The following CDK14 variants were observed in gnomAD, a reference collection of about 807,000 sequenced individuals.
The protein encoded by CDK14 is cyclin-dependent kinase 14.
Under a neutral mutation model 60.7 loss-of-function variants are expected in CDK14, and 34 were observed. That is an observed-to-expected ratio of 0.56 (90% CI 0.43 to 0.75). The LOEUF is 0.75. CDK14 is among the 30% of genes least tolerant of loss of function. The pLI is 0.00. For missense variants in CDK14, 482 were observed against 564.1 expected, an observed-to-expected ratio of 0.85 and a Z score of 1.47; for synonymous variants, 197 against 203.7, an observed-to-expected ratio of 0.97 and a Z score of 0.28.
intron 6 of CDK14, among the ~76,000 whole-genome samples, chr7:90,891,395 A>C (rs1205338216): frequency 6.6e-6 from 1 of 152,204 alleles, no homozygotes; most frequent in African/African-American, 2.4e-5. Flanking sequence ...AGTTTTCATC[A>C]ATTTCAAAAC....
intron 5 of CDK14, among the ~76,000 whole-genome samples, chr7:90,840,920 G>GAT (rs1321313264): frequency 6.6e-6 from 1 of 151,856 alleles, no homozygotes; most frequent in Non-Finnish European, 1.5e-5. Context: ...CATTGTGTCT[G>GAT]TTTAAAGTGC....
intron 11 of CDK14, among the ~76,000 whole-genome samples, chr7:91,055,125 A>G (rs375739441): frequency 5.8e-4 from 89 of 152,324 alleles, no homozygotes; most frequent in African/African-American, 2.1e-3. Context: ...TTCTCCTACC[A>G]GTTAGCAGTG....
Position 91,059,402 on chromosome 7 carries a change from C to G in CDK14, c.1105+13442C>G, listed in dbSNP as rs1797704142. On this transcript the variant is annotated intron_variant, in intron 11 of 14. Transcript: ENST00000380050. ...TGAAGGGTTTTTTGTGTCTCTATTT[C>G]CTTCAGTTCTGCTCTGATCTTAGTT... 2.6e-5 allele frequency among the ~76,000 whole-genome samples: 4 copies of G among 152,224 alleles called. No individual in the cohort carries two copies. In the South Asian group the frequency reaches 6.2e-4, roughly 24 times the overall value.
intron 11 of CDK14, among the ~76,000 whole-genome samples, chr7:91,064,321 A>G (rs889728253): frequency 8.7e-6 from 1 of 114,606 alleles, no homozygotes; most frequent in African/African-American, 3.3e-5. Flanking sequence ...GTGTCATGGT[A>G]TAGTGACTAG....
chr7:90,605,105 A>G (rs977486966), intron 2 of CDK14, among the ~76,000 whole-genome samples: 1 of 152,204 alleles, frequency 6.6e-6, no homozygotes, highest in Non-Finnish European at 1.5e-5. Context: ...TAATAGTTAC[A>G]TATTCCATGA....
chr7:90,739,222 A>C (rs544103594), intron 3 of CDK14, among the ~76,000 whole-genome samples: 1 of 152,218 alleles, frequency 6.6e-6, no homozygotes, highest in Non-Finnish European at 1.5e-5. Context: ...TTCACAGGGC[A>C]GATAATATTG....
At chr7:90,659,284 A>G (rs1385840644) in intron 2 of CDK14, among the ~76,000 whole-genome samples, 1 of 152,184 alleles carries the variant, frequency 6.6e-6, no homozygotes, top group Non-Finnish European at 1.5e-5. Context: ...TAAAGATATC[A>G]GGGGGAAAAT....
intron 14 of CDK14, among the ~76,000 whole-genome samples, chr7:91,151,655 C>T (rs553638878): frequency 3.4e-4 from 52 of 152,268 alleles, no homozygotes; most frequent in African/African-American, 1.1e-3. Flanking sequence ...TGGCGGTCCA[C>T]ATTTGGTTCT....
chr7:90,929,245 G>A (rs985491843), intron 8 of CDK14, among the ~76,000 whole-genome samples: 3 of 152,302 alleles, frequency 2.0e-5, no homozygotes, highest in South Asian at 2.1e-4. Context: ...TGAGATGAAC[G>A]TGGTACCTCA....
chr7:90,746,668 C>T (rs917798947), intron 3 of CDK14, among the ~76,000 whole-genome samples: 5 of 152,142 alleles, frequency 3.3e-5, no homozygotes, highest in African/African-American at 1.2e-4. Context: ...GTGAATGCTT[C>T]TCCACCATGG....
At chr7:91,031,767 G>T (rs1400451127) in intron 10 of CDK14, among the ~76,000 whole-genome samples, 1 of 152,178 alleles carries the variant, frequency 6.6e-6, no homozygotes, top group Non-Finnish European at 1.5e-5. Flanking sequence ...ACATTTTCCA[G>T]GATGAAATAA....
chr7:91,131,116 G>A (rs1269349520), intron 14 of CDK14, among the ~76,000 whole-genome samples: 2 of 150,372 alleles, frequency 1.3e-5, no homozygotes, highest in African/African-American at 4.9e-5. Flanking sequence ...TTTGTTTTTT[G>A]AACTCTATTT....
intron 2 of CDK14, among the ~76,000 whole-genome samples, chr7:90,611,937 A>G (rs1799547052): frequency 6.8e-6 from 1 of 147,792 alleles, no homozygotes; most frequent in African/African-American, 2.5e-5. Flanking sequence ...GGTTCAAGTG[A>G]TTCTCCTGCC....
chr7:90,755,597 G>A (rs1231104130), intron 4 of CDK14, among the ~76,000 whole-genome samples: 2 of 152,082 alleles, frequency 1.3e-5, no homozygotes, highest in African/African-American at 4.8e-5. Context: ...TGTACATGTA[G>A]CCCCGTAATC....
chr7:90,999,082 A>T (rs538673808), intron 10 of CDK14, among the ~76,000 whole-genome samples: 2 of 152,052 alleles, frequency 1.3e-5, no homozygotes, highest in African/African-American at 2.4e-5. Context: ...CACCAGTTCC[A>T]TCATGGGGGA....
At chr7:91,141,385 G>T (rs1453963080) in intron 14 of CDK14, among the ~76,000 whole-genome samples, 1 of 152,184 alleles carries the variant, frequency 6.6e-6, no homozygotes, top group African/African-American at 2.4e-5. Context: ...CATTAGGTGA[G>T]GATAATTAGG....
intron 12 of CDK14, among the ~76,000 whole-genome samples, chr7:91,088,341 C>T (rs191394077): frequency 9.2e-5 from 14 of 152,206 alleles, no homozygotes; most frequent in African/African-American, 1.7e-4. Context: ...CCATGTTAAA[C>T]GGTTATTTCC....
chr7:90,885,838 A>C (rs1791925928), intron 6 of CDK14, among the ~76,000 whole-genome samples: 1 of 152,160 alleles, frequency 6.6e-6, no homozygotes, highest in Non-Finnish European at 1.5e-5. Context: ...GCATGTTCTC[A>C]CTTATAAGTG....
chr7:90,816,789 G>A (rs1789372789), intron 5 of CDK14, among the ~76,000 whole-genome samples: 1 of 152,184 alleles, frequency 6.6e-6, no homozygotes, highest in Non-Finnish European at 1.5e-5. Context: ...TGAAACTGAG[G>A]TGATAACCAT....
Sources: allele counts gnomAD v4.1 joint callset (sites outside exome capture counted in the v4.1 genomes callset), GRCh38; gene constraint gnomAD v4.1.1; transcripts MANE v1.5; gene names NCBI Gene and HGNC (gene_info 2026-07-23, HGNC 2026-07-21).